The following ARMC3 variants were observed in gnomAD, a reference collection of about 807,000 sequenced individuals.
ARMC3 encodes armadillo repeat-containing protein 3.
In ARMC3, 74 loss-of-function variants were observed where a neutral mutation model predicts 90.3. The ratio of observed to expected loss-of-function variants is 0.82; its 90% CI spans 0.68 to 0.99. The LOEUF is 0.99. Ranked by LOEUF, ARMC3 falls within the 50% of genes least tolerant of loss-of-function variation. The pLI is 0.00. For synonymous variants in ARMC3, 334 were observed against 361.8 expected (o/e 0.92, Z 0.87); for missense variants, 958 against 1,042.8 (o/e 0.92, Z 1.12).
intron 16 of ARMC3, among the ~76,000 whole-genome samples, chr10:23,026,980 T>G (rs1838738881): frequency 6.6e-6 from 1 of 152,190 alleles, no homozygotes; most frequent in Non-Finnish European, 1.5e-5. Flanking sequence ...CATCCATATG[T>G]CTATCCCTCT....
intron 16 of ARMC3, among the ~76,000 whole-genome samples, chr10:23,028,162 C>A (rs73600599): frequency 0.023 from 3,444 of 152,130 alleles, 129 homozygotes; most frequent in African/African-American, 0.079. Context: ...CAAAGAACAA[C>A]AACAACAACA....
Position 22,959,570 on chromosome 10 carries a change from T to G in ARMC3, c.533T>G (p.Val178Gly). The change falls in exon 6 of 19, where the codon GTG becomes GGG. Residue 178 changes from valine to glycine, a missense_variant. Transcript: ENST00000298032. ...KNSMECIYNL[V>G]QDFQCRAKLQ... ...TCTATGGAATGCATTTACAACTTGG[T>G]GCAGGTAAGATTAATTTCTAAAAAG... is the stretch of plus-strand genomic sequence containing the variant. 3.1e-6 allele frequency: 5 copies of G among 1,588,604 alleles called. No individual in the cohort carries two copies. The highest frequency in any genetic ancestry group is 4.3e-6 in the Non-Finnish European group (5 of 1,172,062).
At chr10:23,028,321 A>G (rs1231324683) in intron 16 of ARMC3, among the ~76,000 whole-genome samples, 3 of 151,692 alleles carry the variant, frequency 2.0e-5, no homozygotes, top group Non-Finnish European at 4.4e-5. Context: ...CTCAGTTCCA[A>G]AATTATATTT....
At chr10:22,996,399 G>A (rs1400129069) in intron 10 of ARMC3, among the ~76,000 whole-genome samples, 1 of 152,094 alleles carries the variant, frequency 6.6e-6, no homozygotes, top group African/African-American at 2.4e-5. Flanking sequence ...GTGATATAGG[G>A]CCTTTGGATA....
At chr10:22,982,455 C>T (rs1836237376) in intron 10 of ARMC3, among the ~76,000 whole-genome samples, 1 of 152,214 alleles carries the variant, frequency 6.6e-6, no homozygotes, top group African/African-American at 2.4e-5. Flanking sequence ...GGAATGCCTT[C>T]TATATCCCAA....
chr10:22,928,079 C>G lies in ARMC3; in HGVS notation c.-29C>G, dbSNP rs1326271293. The G allele has an allele frequency of 1.3e-5, 2 of 152,438 alleles. No homozygotes were observed. The highest frequency in any genetic ancestry group is 2.9e-5 in the Non-Finnish European group (2 of 68,186). 9.4% of individuals were successfully genotyped at this position (152,438 alleles called of 1,614,324 possible). ...TTCGTCTGCTGGGTTTGCGGAGCAG[C>G]TAGCTACTCGGCGGGATCTCCCGGC... is the stretch of plus-strand genomic sequence containing the variant. On this transcript the variant is annotated 5_prime_UTR_variant, in exon 1 of 19. Transcript: ENST00000298032.
At chr10:22,931,957 G>A in intron 1 of ARMC3, 39 bp from the exon 2 acceptor site, 5 of 1,552,622 alleles carry the variant, frequency 3.2e-6, no homozygotes, top group Non-Finnish European at 3.5e-6. Flanking sequence ...AAATGTATGT[G>A]CAAATGTCAC....
Position 22,998,235 on chromosome 10 carries a change from A to G in ARMC3, c.1263A>G (p.Val421=), listed in dbSNP as rs376494495. The change falls in exon 11 of 19, where the codon GTA becomes GTG. Residue 421 remains valine, a synonymous_variant. Coordinates refer to ENST00000298032, the MANE Select transcript of ARMC3 (RefSeq NM_173081.5). ...GAGCCATTGCCAACGCTGCTACAGT[A>G]TTAACAAACATGGCCATGCAGGAGC... ...RDGAIANAAT[V]LTNMAMQEPL... The G allele has an allele frequency of 2.7e-5, 43 of 1,612,968 alleles. 1 individual carries two copies. In the Admixed American group the frequency reaches 2.8e-4, roughly 11 times the overall value.
intron 16 of ARMC3, among the ~76,000 whole-genome samples, chr10:23,011,859 CCAGAATGT>C (rs1564395511): frequency 6.6e-6 from 1 of 152,182 alleles, no homozygotes; most frequent in Admixed American, 6.5e-5. Context: ...CACAGGCCAT[CCAGAATGT>C]CAGCTGCCTC....
chr10:22,987,308 A>C (rs1254060688), intron 10 of ARMC3, among the ~76,000 whole-genome samples: 1 of 152,208 alleles, frequency 6.6e-6, no homozygotes, highest in African/African-American at 2.4e-5. Flanking sequence ...CCTACACATT[A>C]AAAGAATGTT....
intron 10 of ARMC3, among the ~76,000 whole-genome samples, chr10:22,986,353 A>G (rs963528193): frequency 2.0e-5 from 3 of 152,070 alleles, no homozygotes; most frequent in African/African-American, 7.2e-5. Flanking sequence ...GGGGTTCGAG[A>G]CCAGCATGGC....
Position 22,998,163 on chromosome 10 carries a change from T to G in ARMC3, c.1191T>G (p.Ala397=), listed in dbSNP as rs1363940671. The change falls in exon 11 of 19, where the codon GCT becomes GCG. Residue 397 remains alanine (A), a synonymous_variant. Transcript: ENST00000298032. ...ATTTACTCAGCGCTGCTGCTGAAGC[T>G]GATGGTATTGATCCATTAATAAACC... is the stretch of plus-strand genomic sequence containing the variant. ...NPANANAAAE[A]DGIDPLINLL... is the part of the protein sequence containing the mutation. 9 of 1,613,874 alleles carry G rather than the reference T, an allele frequency of 5.6e-6. No homozygotes were observed. Among genetic ancestry groups the G allele is most frequent in the Admixed American group, 5.0e-5 (3 of 60,000 alleles).
intron 10 of ARMC3, among the ~76,000 whole-genome samples, chr10:22,996,240 C>T (rs774474773): frequency 6.6e-6 from 1 of 152,068 alleles, no homozygotes; most frequent in African/African-American, 2.4e-5. Context: ...TATATTAGAA[C>T]CTCCAACTTC....
intron 16 of ARMC3, among the ~76,000 whole-genome samples, chr10:23,027,848 T>G (rs1012379647): frequency 2.7e-5 from 3 of 110,392 alleles, no homozygotes; most frequent in Non-Finnish European, 6.1e-5. Context: ...TTTTTCAATC[T>G]TTTGTTTTCT....
In ARMC3 at chr10:22,988,872, T is replaced by G. The variant is rs80172359; in HGVS notation, c.1175+7172T>G. On this transcript the variant is annotated intron_variant, in intron 10 of 18. Transcript: ENST00000298032. ...ACTAAAGAAGCATTGACCATAGAGATAATCCACAGTGATTTACAAAATTAA... is the reference window on the plus strand; with the variant it reads ...ACTAAAGAAGCATTGACCATAGAGAGAATCCACAGTGATTTACAAAATTAA... Among the ~76,000 whole-genome samples the G allele has an allele frequency of 2.2e-3, 336 of 152,378 alleles. 1 individual carries two copies. Among genetic ancestry groups the G allele is most frequent in the Non-Finnish European group, 3.9e-3 (265 of 68,034 alleles).
chr10:22,977,484 A>G (rs1396325998), intron 8 of ARMC3, among the ~76,000 whole-genome samples: 1 of 152,202 alleles, frequency 6.6e-6, no homozygotes, highest in Non-Finnish European at 1.5e-5. Context: ...CCTTAACATC[A>G]TTCAACCAAC....
In ARMC3 at chr10:23,037,467, C is replaced by T; in HGVS notation, c.2607C>T (p.Tyr869=). The change falls in exon 19 of 19, where the codon TAC becomes TAT. Residue 869 remains tyrosine, a synonymous_variant. Coordinates refer to ENST00000298032, the MANE Select transcript of ARMC3 (RefSeq NM_173081.5). ...TGAGAAGTCGAGAGGCTGATCTTTA[C>T]AGATTCATTTAAGCCATCAGACGAA... ...MKLRSREADL[Y]RFI 1.9e-6 allele frequency: 3 copies of T among 1,613,134 alleles called. No homozygotes were observed. The highest frequency in any genetic ancestry group is 2.5e-6 in the Non-Finnish European group (3 of 1,179,432).
intron 16 of ARMC3, among the ~76,000 whole-genome samples, chr10:23,010,160 C>T (rs1283369759): frequency 2.8e-5 from 4 of 140,772 alleles, no homozygotes; most frequent in Non-Finnish European, 6.2e-5. Context: ...TTCCCTCCCT[C>T]CCCTTCTCTT....
intron 8 of ARMC3, among the ~76,000 whole-genome samples, chr10:22,968,743 C>G (rs1306163139): frequency 6.6e-6 from 1 of 152,144 alleles, no homozygotes; most frequent in Non-Finnish European, 1.5e-5. Flanking sequence ...CTCAAGCGAT[C>G]TGCCCACTTT....
Sources: gnomAD v4.1 joint callset for allele counts (sites outside exome capture counted in the v4.1 genomes callset) on GRCh38, gnomAD v4.1.1 for gene constraint, MANE v1.5 for transcripts, NCBI Gene and HGNC (gene_info 2026-07-23, HGNC 2026-07-21) for gene names.